Variants in MARK2 observed in about 807,000 individuals in gnomAD.
The protein encoded by MARK2 is microtubule affinity regulating kinase 2.
A neutral mutation model predicts 89.8 loss-of-function variants in MARK2; 16 were observed. That is an observed-to-expected ratio of 0.18 (90% CI 0.12 to 0.27). The LOEUF (loss-of-function observed/expected upper bound fraction) is 0.27. MARK2 is among the 10% of genes least tolerant of loss of function. MARK2 has a pLI of 1.00. For missense variants in MARK2, 621 were observed against 1,049.9 expected (o/e 0.59, Z 5.65); for synonymous variants, 382 against 399.5 (o/e 0.96, Z 0.52).
intron 1 of MARK2, among the ~76,000 whole-genome samples, chr11:63,840,663 C>T (rs2015965952): frequency 2.0e-5 from 3 of 152,180 alleles, no homozygotes; most frequent in African/African-American, 7.2e-5. Flanking sequence ...CCTTACTGTG[C>T]CTTTTAATCA....
chr11:63,877,074 C>G (rs1487252033), intron 1 of MARK2, among the ~76,000 whole-genome samples: 1 of 142,630 alleles, frequency 7.0e-6, no homozygotes, highest in Non-Finnish European at 1.5e-5. Flanking sequence ...CCATTCCCTT[C>G]TCTTAGAAAC....
intron 1 of MARK2, among the ~76,000 whole-genome samples, chr11:63,875,346 C>G (rs534379949): frequency 2.0e-5 from 3 of 152,070 alleles, no homozygotes; most frequent in Non-Finnish European, 4.4e-5. Flanking sequence ...GTCTGAAACT[C>G]CTGACCTCGT....
intron 1 of MARK2, among the ~76,000 whole-genome samples, chr11:63,855,440 C>T (rs1215816797): frequency 1.1e-5 from 1 of 87,892 alleles, no homozygotes; most frequent in Non-Finnish European, 2.4e-5. Context: ...GAGAAGATCT[C>T]TTGAGCCCAA....
At chr11:63,886,715 A>G (rs966962592) in intron 1 of MARK2, among the ~76,000 whole-genome samples, 4 of 152,206 alleles carry the variant, frequency 2.6e-5, no homozygotes, top group Admixed American at 6.5e-5. Context: ...GGGGGCCACC[A>G]TGCTTGGCCC....
intron 1 of MARK2, among the ~76,000 whole-genome samples, chr11:63,847,484 G>A (rs2016341680): frequency 6.6e-6 from 1 of 152,144 alleles, no homozygotes. Flanking sequence ...AGCAGACCAG[G>A]GGCTTCTCTG....
intron 17 of MARK2, among the ~76,000 whole-genome samples, chr11:63,906,874 TCTC>T (rs1640892581): frequency 1.3e-5 from 2 of 149,164 alleles, no homozygotes; most frequent in Admixed American, 6.7e-5. Flanking sequence ...TCAAGCCTCT[TCTC>T]CTCTAGGCTG....
intron 11 of MARK2, among the ~76,000 whole-genome samples, chr11:63,901,995 C>T (rs1264207822): frequency 3.9e-5 from 6 of 151,986 alleles, no homozygotes; most frequent in Admixed American, 3.9e-4. Context: ...CTTTCTGAGA[C>T]TGTGTTTGTC....
chr11:63,908,258 A>G lies in MARK2; in HGVS notation c.1962-2A>G. 6.4e-7 allele frequency: 1 copy of G among 1,561,344 alleles called. No homozygotes were observed. On this transcript the variant is annotated splice_acceptor_variant, in intron 17 of 18. Transcript: ENST00000402010. LOFTEE classifies it high-confidence loss of function. ...AAACTCTCCCTCGCTCTGTTTTTTG[A>G]GGAACCTGAATGAACCTGAAAGCAA...
chr11:63,839,417 T>G lies in MARK2; in HGVS notation c.-90T>G. 2 of 763,236 alleles carry G rather than the reference T, an allele frequency of 2.6e-6. No individual in the cohort carries two copies. Among genetic ancestry groups the G allele is most frequent in the Non-Finnish European group, 4.4e-6 (2 of 456,740 alleles). 47.3% of individuals were successfully genotyped at this position (763,236 alleles called of 1,614,324 possible). A position where few individuals can be genotyped will look rare whatever the true frequency, so the allele number is the denominator to read the frequency against. ...GGGCCCATGCGGCGGGTGCTCCTGC[T>G]GTGAGAAGCCCCGCCCGGCCGGGCT... is the stretch of plus-strand genomic sequence containing the variant. On this transcript the variant is annotated 5_prime_UTR_variant, in exon 1 of 19. Transcript: ENST00000402010.
chr11:63,859,319 C>CT lies in MARK2; in HGVS notation c.54+19773dup, dbSNP rs533265241. ...TTGACTCTTTTTAACCTGTTTATTT[C>CT]TTTTTTTTTTTTTTCCCCGAGAAGG... On this transcript the variant is annotated intron_variant, in intron 1 of 18. Coordinates refer to ENST00000402010, the MANE Select transcript of MARK2 (RefSeq NM_001039469.3). 5.5e-3 allele frequency among the ~76,000 whole-genome samples: 775 copies of CT among 141,706 alleles called. 6 individuals carry two copies. Among genetic ancestry groups the CT allele is most frequent in the African/African-American group, 0.016 (637 of 38,972 alleles). 93.0% of individuals were successfully genotyped at this position (141,706 alleles called of 152,430 possible).
intron 1 of MARK2, among the ~76,000 whole-genome samples, chr11:63,846,902 C>T (rs1328242616): frequency 6.6e-6 from 1 of 151,918 alleles, no homozygotes; most frequent in African/African-American, 2.4e-5. Flanking sequence ...GTGATCCACC[C>T]ACCTCGGCCT....
At chr11:63,885,356 T>C (rs1261646570) in intron 1 of MARK2, among the ~76,000 whole-genome samples, 1 of 151,716 alleles carries the variant, frequency 6.6e-6, no homozygotes, top group East Asian at 2.0e-4. Flanking sequence ...CTGGACAAGC[T>C]TGCAAAACCC....
intron 1 of MARK2, among the ~76,000 whole-genome samples, chr11:63,890,856 A>G (rs1044846885): frequency 1.3e-5 from 2 of 152,216 alleles, no homozygotes; most frequent in African/African-American, 4.8e-5. Flanking sequence ...CTTTACAGAT[A>G]AGGAAATTAA....
intron 1 of MARK2, among the ~76,000 whole-genome samples, chr11:63,877,377 C>A (rs1938831151): frequency 6.6e-6 from 1 of 152,280 alleles, no homozygotes; most frequent in East Asian, 1.9e-4. Flanking sequence ...TCCCAGAGTG[C>A]TGGGATTACA....
At chr11:63,875,823 T>G (rs1236636420) in intron 1 of MARK2, among the ~76,000 whole-genome samples, 1 of 152,230 alleles carries the variant, frequency 6.6e-6, no homozygotes, top group Non-Finnish European at 1.5e-5. Flanking sequence ...ACTCAGGAGC[T>G]GGAAGTGTGG....
chr11:63,858,740 C>T (rs1369091146), intron 1 of MARK2, among the ~76,000 whole-genome samples: 1 of 152,144 alleles, frequency 6.6e-6, no homozygotes, highest in African/African-American at 2.4e-5. Context: ...AAAGGGATTC[C>T]AGACAGTGTG....
chr11:63,903,999 G>C lies in MARK2; in HGVS notation c.1528G>C (p.Gly510Arg). The stretch of plus-strand genomic sequence containing the variant: ...TTTGTTTCCTAGCCTAACCATGCCA[G>C]GGTCCCGGGCCTCCACGGCTTCTGC... ...QNGKDSLTMP[G>R]SRASTASASA... is the part of the protein sequence containing the mutation. The change falls in exon 15 of 19, where the codon GGG becomes CGG. Residue 510 changes from glycine to arginine, a missense_variant. Gly to Arg is a moderately radical substitution (Grantham distance 125). Around this residue, in one of 5 missense-constraint regions of MARK2, gnomAD observed 397 missense variants for 567.8 expected, o/e 0.70. Transcript: ENST00000402010. This position sits in a 1 kb window ranked among gnomAD's most constrained non-coding sequence, Gnocchi z 5.1. The C allele has an allele frequency of 2.5e-6, 4 of 1,606,108 alleles. No homozygotes were observed. Among genetic ancestry groups the C allele is most frequent in the Non-Finnish European group, 3.4e-6 (4 of 1,176,602 alleles).
intron 1 of MARK2, among the ~76,000 whole-genome samples, chr11:63,891,754 C>G (rs768860829): frequency 2.3e-4 from 35 of 152,322 alleles, no homozygotes; most frequent in Admixed American, 3.9e-4. Context: ...AGGTTTTTTC[C>G]TGTTCATTGC....
At chr11:63,848,523 C>T (rs972543002) in intron 1 of MARK2, among the ~76,000 whole-genome samples, 8 of 150,986 alleles carry the variant, frequency 5.3e-5, no homozygotes, top group Non-Finnish European at 1.5e-5. Flanking sequence ...GCTGGTACTA[C>T]AGGCATGTGC....
Sources: allele counts gnomAD v4.1 joint callset (sites outside exome capture counted in the v4.1 genomes callset), GRCh38; gene constraint gnomAD v4.1.1; regional missense constraint gnomAD v4.1.1; non-coding constraint Gnocchi (gnomAD v3.1); transcripts MANE v1.5; gene names NCBI Gene and HGNC (gene_info 2026-07-23, HGNC 2026-07-21).